Variants in OR14I1 observed in about 807,000 individuals in gnomAD.
OR14I1 encodes the protein olfactory receptor family 14 subfamily I member 1.
For synonymous variants in OR14I1, 118 were observed against 71.1 expected (o/e 1.66, Z -3.32); for missense variants, 279 against 181.8 (o/e 1.53, Z -3.07).
upstream of OR14I1, chr1:248,682,398 C>A (rs956437498): frequency 3.3e-6 from 2 of 610,970 alleles, no homozygotes; most frequent in African/African-American, 1.8e-5. Context: ...GGAGTAATAT[C>A]CTCCTAAATT....
chr1:248,681,190 C>G (rs547151595), downstream of OR14I1, among the ~76,000 whole-genome samples: 120 of 152,066 alleles, frequency 7.9e-4, 1 homozygote, highest in Admixed American at 1.1e-3. Context: ...TTTGAAGAAA[C>G]ATTTGCATTT....
chr1:248,684,812 T>C (rs546756432), upstream of OR14I1, among the ~76,000 whole-genome samples: 3 of 149,256 alleles, frequency 2.0e-5, no homozygotes, highest in Non-Finnish European at 4.4e-5. Flanking sequence ...ATAAAACAGT[T>C]ACTGGAATGA....
At chr1:248,693,589 A>T in the OR14I1 span, among the ~76,000 whole-genome samples, 1 of 152,116 alleles carries the variant, frequency 6.6e-6, no homozygotes, top group Non-Finnish European at 1.5e-5. Flanking sequence ...ACCTAATAAA[A>T]CATTACAGAA....
At chr1:248,684,751 CACAT>C (rs74164219), upstream of OR14I1, among the ~76,000 whole-genome samples, 6 of 13,466 alleles carry the variant, frequency 4.5e-4, no homozygotes, top group South Asian at 7.4e-3. Context: ...TAAATACACA[CACAT>C]ACATATATAT....
chr1:248,700,208 C>T, the OR14I1 span, among the ~76,000 whole-genome samples: 1 of 152,264 alleles, frequency 6.6e-6, no homozygotes, highest in Non-Finnish European at 1.5e-5. Flanking sequence ...TTTAAATGCT[C>T]CCCAACCAGG....
chr1:248,701,317 A>G, the OR14I1 span, among the ~76,000 whole-genome samples: 1 of 152,012 alleles, frequency 6.6e-6, no homozygotes, highest in Non-Finnish European at 1.5e-5. Flanking sequence ...ACATCCGGCT[A>G]ATTTTTGTAT....
At chr1:248,699,571 G>A in the OR14I1 span, among the ~76,000 whole-genome samples, 1 of 152,128 alleles carries the variant, frequency 6.6e-6, no homozygotes, top group African/African-American at 2.4e-5. Context: ...ATGTCAGCAA[G>A]TATATGGGCC....
chr1:248,691,753 G>A, the OR14I1 span: 3 of 152,354 alleles, frequency 2.0e-5, no homozygotes, highest in African/African-American at 4.8e-5. Flanking sequence ...GTGCCCTCCG[G>A]CCTAGCCCGG....
the OR14I1 span, among the ~76,000 whole-genome samples, chr1:248,688,639 C>G: frequency 6.6e-6 from 1 of 152,128 alleles, no homozygotes; most frequent in African/African-American, 2.4e-5. Context: ...GTTTTGTTTT[C>G]AAGATTGCAA....
At chr1:248,702,550 G>T in the OR14I1 span, among the ~76,000 whole-genome samples, 1 of 151,774 alleles carries the variant, frequency 6.6e-6, no homozygotes, top group Non-Finnish European at 1.5e-5. Context: ...CCACCACCTC[G>T]ATCCAAGCCT....
chr1:248,687,502 T>C, the OR14I1 span, among the ~76,000 whole-genome samples: 1 of 151,720 alleles, frequency 6.6e-6, no homozygotes, highest in Non-Finnish European at 1.5e-5. Context: ...AATACGATCA[T>C]TTGAAAATTA....
At chr1:248,695,626 G>A in the OR14I1 span, among the ~76,000 whole-genome samples, 1 of 152,078 alleles carries the variant, frequency 6.6e-6, no homozygotes, top group African/African-American at 2.4e-5. Context: ...GATCTCTAAT[G>A]GTTGTAGTGG....
At chr1:248,700,923 C>T in the OR14I1 span, among the ~76,000 whole-genome samples, 1 of 152,108 alleles carries the variant, frequency 6.6e-6, no homozygotes, top group Non-Finnish European at 1.5e-5. Context: ...ATTATTAACT[C>T]GAATTCCCAG....
chr1:248,679,317 G>A (rs188391340), downstream of OR14I1, among the ~76,000 whole-genome samples: 40 of 152,068 alleles, frequency 2.6e-4, no homozygotes, highest in African/African-American at 8.9e-4. Flanking sequence ...TTGGTGGGGA[G>A]TGTGTGCTGA....
At chr1:248,697,327 G>C in the OR14I1 span, 1 of 152,232 alleles carries the variant, frequency 6.6e-6, no homozygotes, top group African/African-American at 2.4e-5. Flanking sequence ...CACAGCAGTG[G>C]TCTGACTCTG....
chr1:248,694,208 T>C, the OR14I1 span, among the ~76,000 whole-genome samples: 1 of 152,242 alleles, frequency 6.6e-6, no homozygotes, highest in African/African-American at 2.4e-5. Flanking sequence ...TTAGTGGTTA[T>C]GATTAGTAGT....
chr1:248,686,918 A>G (rs1004891772), upstream of OR14I1, among the ~76,000 whole-genome samples: 3 of 152,226 alleles, frequency 2.0e-5, no homozygotes, highest in African/African-American at 7.2e-5. Flanking sequence ...CTGATGTATA[A>G]TATATCAAGG....
chr1:248,685,038 C>T (rs973758651), upstream of OR14I1, among the ~76,000 whole-genome samples: 1 of 151,768 alleles, frequency 6.6e-6, no homozygotes, highest in Non-Finnish European at 1.5e-5. Flanking sequence ...ACATTAATGT[C>T]AAAGAAGCAA....
At chr1:248,683,065 C>T (rs1172511767), upstream of OR14I1, among the ~76,000 whole-genome samples, 2 of 152,082 alleles carry the variant, frequency 1.3e-5, no homozygotes, top group Admixed American at 1.3e-4. Context: ...TAAAATATGC[C>T]GTTATTATTC....
Sources: allele counts gnomAD v4.1 joint callset (sites outside exome capture counted in the v4.1 genomes callset), GRCh38; gene constraint gnomAD v4.1.1; transcripts MANE v1.5; gene names NCBI Gene and HGNC (gene_info 2026-07-23, HGNC 2026-07-21).